PGPEP1L: variants seen among roughly 807,000 people sequenced by gnomAD.
PGPEP1L encodes the protein pyroglutamyl-peptidase 1-like protein.
PGPEP1L carries 7 observed loss-of-function variants against 6.0 expected under a neutral mutation model. That is an observed-to-expected ratio of 1.17 (90% CI 0.66 to 2.19). The LOEUF is 2.19. Ranked by LOEUF, PGPEP1L falls within the 30% of genes most tolerant of loss-of-function variation. The pLI is 0.00. For missense variants in PGPEP1L, 209 were observed against 192.5 expected (o/e 1.09, Z -0.51); for synonymous variants, 103 against 83.9 (o/e 1.23, Z -1.24).
chr15:98,981,254 A>G (rs951967807), intron 2 of PGPEP1L, among the ~76,000 whole-genome samples: 18 of 152,134 alleles, frequency 1.2e-4, no homozygotes, highest in Admixed American at 5.9e-4. Context: ...GCACTTTGGG[A>G]GGCCGAGGCG....
intron 1 of PGPEP1L, among the ~76,000 whole-genome samples, chr15:99,005,878 C>T (rs1266280424): frequency 3.3e-5 from 5 of 152,178 alleles, no homozygotes; most frequent in African/African-American, 1.2e-4. Flanking sequence ...CAAAGAGGTA[C>T]TGTCCTAGGA....
At chr15:98,995,496 G>A (rs561303576) in intron 2 of PGPEP1L, among the ~76,000 whole-genome samples, 6 of 152,124 alleles carry the variant, frequency 3.9e-5, no homozygotes, top group Non-Finnish European at 8.8e-5. Flanking sequence ...TCAGGAGTTC[G>A]AGACCAGCCT....
At chr15:98,970,834 T>A (rs769041005) in intron 3 of PGPEP1L, among the ~76,000 whole-genome samples, 6 of 152,234 alleles carry the variant, frequency 3.9e-5, no homozygotes, top group Non-Finnish European at 1.5e-5. Context: ...AGATTTTCTA[T>A]TAAGATCTAA....
At chr15:99,002,021 T>C (rs1555473115) in intron 2 of PGPEP1L, among the ~76,000 whole-genome samples, 1 of 152,016 alleles carries the variant, frequency 6.6e-6, no homozygotes, top group East Asian at 1.9e-4. Flanking sequence ...CTGGCCCTAT[T>C]TTTATTTTCA....
intron 2 of PGPEP1L, among the ~76,000 whole-genome samples, chr15:99,000,305 G>T (rs2017945595): frequency 6.6e-6 from 1 of 152,192 alleles, no homozygotes; most frequent in African/African-American, 2.4e-5. Flanking sequence ...GTGGGCTCCT[G>T]TGCCAACGAG....
At chr15:99,001,562 G>A (rs1418612446) in intron 2 of PGPEP1L, among the ~76,000 whole-genome samples, 1 of 152,192 alleles carries the variant, frequency 6.6e-6, no homozygotes, top group African/African-American at 2.4e-5. Flanking sequence ...GGTATAGCAT[G>A]TGGATTATAT....
chr15:98,970,764 C>T (rs901763483), intron 3 of PGPEP1L, among the ~76,000 whole-genome samples: 1 of 152,224 alleles, frequency 6.6e-6, no homozygotes, highest in African/African-American at 2.4e-5. Flanking sequence ...TAGGTGGAAA[C>T]TATTTTTGAG....
chr15:98,985,076 G>C (rs984502687), intron 2 of PGPEP1L, among the ~76,000 whole-genome samples: 1 of 152,176 alleles, frequency 6.6e-6, no homozygotes, highest in Non-Finnish European at 1.5e-5. Flanking sequence ...CTATAGTGCA[G>C]TCTATGTCTA....
At chr15:99,006,908 G>C (rs2018076919) in intron 1 of PGPEP1L, among the ~76,000 whole-genome samples, 1 of 152,184 alleles carries the variant, frequency 6.6e-6, no homozygotes, top group Admixed American at 6.5e-5. Flanking sequence ...CTGGGGAGGA[G>C]AAGCTCCCTT....
chr15:98,989,795 C>T (rs2017795134), intron 2 of PGPEP1L, among the ~76,000 whole-genome samples: 1 of 152,182 alleles, frequency 6.6e-6, no homozygotes. Context: ...AGCAGAACCC[C>T]TACAATCCAG....
chr15:98,969,683 A>G (rs897151964), intron 3 of PGPEP1L, 32 bp from the exon 4 acceptor site: 1 of 1,597,874 alleles, frequency 6.3e-7, no homozygotes, highest in Non-Finnish European at 8.5e-7. Flanking sequence ...GAGAGAACCC[A>G]GGAAAACGAG....
chr15:98,992,372 C>T (rs575891236), intron 2 of PGPEP1L, among the ~76,000 whole-genome samples: 1 of 152,180 alleles, frequency 6.6e-6, no homozygotes, highest in East Asian at 1.9e-4. Context: ...GAATAAAATA[C>T]CTAGGAATAC....
intron 2 of PGPEP1L, among the ~76,000 whole-genome samples, chr15:98,973,673 AAT>A (rs2017529041): frequency 6.6e-6 from 1 of 152,142 alleles, no homozygotes; most frequent in Non-Finnish European, 1.5e-5. Context: ...ATGGAAACAC[AAT>A]ATATCAAAAC....
At chr15:98,968,793 AG>A in intron 4 of PGPEP1L, 96 bp from the exon 5 acceptor site, 1 of 1,146,608 alleles carries the variant, frequency 8.7e-7, no homozygotes, top group Non-Finnish European at 1.3e-6. Context: ...ACAAAGCCTG[AG>A]GAGGGAGCAC....
At chr15:99,003,954 T>C (rs2018010459) in intron 2 of PGPEP1L, among the ~76,000 whole-genome samples, 1 of 148,334 alleles carries the variant, frequency 6.7e-6, no homozygotes, top group African/African-American at 2.6e-5. Flanking sequence ...AGATAAAAGG[T>C]TTCCCAAAGA....
chr15:99,001,077 T>A (rs2017960789), intron 2 of PGPEP1L: 1 of 375,088 alleles, frequency 2.7e-6, no homozygotes, highest in Non-Finnish European at 5.2e-6. Flanking sequence ...GCTTCACTCC[T>A]GAGCCAGCAA....
At chr15:98,991,437 A>T (rs2017818676) in intron 2 of PGPEP1L, among the ~76,000 whole-genome samples, 1 of 152,166 alleles carries the variant, frequency 6.6e-6, no homozygotes, top group African/African-American at 2.4e-5. Context: ...ATAGACCAAT[A>T]ACAAGTTCTG....
chr15:98,972,364 A>C (rs975599939), intron 2 of PGPEP1L, among the ~76,000 whole-genome samples: 3 of 147,622 alleles, frequency 2.0e-5, no homozygotes, highest in African/African-American at 4.9e-5. Context: ...AAAAATAAAT[A>C]AATAAATAAA....
In PGPEP1L at chr15:98,988,913, A is replaced by G. The variant is rs115119558; in HGVS notation, c.-142+16516T>C. Among the ~76,000 whole-genome samples, 364 of 152,338 alleles carry G rather than the reference A, an allele frequency of 2.4e-3. 3 individuals are homozygous for G. The highest frequency in any genetic ancestry group is 8.3e-3 in the African/African-American group (345 of 41,564). On this transcript the variant is annotated intron_variant, in intron 2 of 4. Transcript: ENST00000535714. Reference sequence around the variant, plus strand: ...CTGACTGTTAGAAGGAAAACTGACAAACAGAAAGAAATACCATCAACATCA... The same window carrying G: ...CTGACTGTTAGAAGGAAAACTGACAGACAGAAAGAAATACCATCAACATCA...
Sources: allele counts gnomAD v4.1 joint callset (sites outside exome capture counted in the v4.1 genomes callset), GRCh38; gene constraint gnomAD v4.1.1; transcripts MANE v1.5; gene names NCBI Gene and HGNC (gene_info 2026-07-23, HGNC 2026-07-21).